The following KIF6 variants were observed in gnomAD, a reference collection of about 807,000 sequenced individuals.
KIF6 encodes kinesin family member 6, also known as kinesin-like protein KIF6.
In KIF6, 106 loss-of-function variants were observed where a neutral mutation model predicts 112.7. The observed-to-expected ratio is 0.94, with a 90% CI of 0.80 to 1.11. KIF6 has a LOEUF of 1.11. KIF6 is among the 50% of genes least tolerant of loss of function. The pLI, the probability that KIF6 is intolerant of heterozygous loss-of-function variation, is 0.00. For synonymous variants in KIF6, 339 were observed against 339.9 expected (o/e 1.00, Z 0.03); for missense variants, 929 against 964.0 (o/e 0.96, Z 0.48).
At chr6:39,656,444 G>A (rs1785787518) in intron 3 of KIF6, among the ~76,000 whole-genome samples, 1 of 152,094 alleles carries the variant, frequency 6.6e-6, no homozygotes, top group South Asian at 2.1e-4. Flanking sequence ...ATATAACTGG[G>A]CCTCCACTAT....
chr6:39,456,948 T>C (rs1027953495), intron 13 of KIF6, among the ~76,000 whole-genome samples: 3 of 150,712 alleles, frequency 2.0e-5, no homozygotes, highest in Non-Finnish European at 4.4e-5. Flanking sequence ...ACTGTCAACA[T>C]TAGACAGATC....
intron 13 of KIF6, among the ~76,000 whole-genome samples, chr6:39,491,321 A>T (rs1581969834): frequency 6.6e-6 from 1 of 152,148 alleles, no homozygotes. Flanking sequence ...CAGTGTGAAG[A>T]GAGATAACAG....
At chr6:39,361,731 G>A (rs1042040926) in intron 17 of KIF6, among the ~76,000 whole-genome samples, 1 of 151,490 alleles carries the variant, frequency 6.6e-6, no homozygotes, top group Admixed American at 6.6e-5. Flanking sequence ...TGCCAGGAGC[G>A]ACCTGAAGAC....
intron 13 of KIF6, among the ~76,000 whole-genome samples, chr6:39,531,339 CTATAAT>C (rs1467960113): frequency 2.0e-5 from 3 of 152,026 alleles, no homozygotes; most frequent in African/African-American, 7.3e-5. Flanking sequence ...AAACTCTTGA[CTATAAT>C]TATAAGGAAG....
chr6:39,510,094 CTTT>C (rs70984130), intron 13 of KIF6, among the ~76,000 whole-genome samples: 10 of 131,512 alleles, frequency 7.6e-5, no homozygotes, highest in Non-Finnish European at 1.1e-4. Context: ...CTTTTCTTTT[CTTT>C]TTTTTTTTTT....
intron 13 of KIF6, among the ~76,000 whole-genome samples, chr6:39,530,407 A>T (rs962840058): frequency 2.0e-5 from 3 of 152,200 alleles, no homozygotes; most frequent in Non-Finnish European, 2.9e-5. Context: ...AGAAATTTTT[A>T]AAAAACTCCA....
In KIF6 at chr6:39,604,126, G is replaced by A. The variant is rs146249430; in HGVS notation, c.640-7866C>T. On this transcript the variant is annotated intron_variant, in intron 6 of 22. Transcript: ENST00000287152. ...CACTTTCTACACTGATACTCTAATT[G>A]ATCTGTTCCTCTGCTCACTTGCTCT... 8.2e-3 allele frequency among the ~76,000 whole-genome samples: 1,243 copies of A among 151,840 alleles called. 13 individuals are homozygous for A. Among genetic ancestry groups the A allele is most frequent in the Non-Finnish European group, 0.011 (753 of 67,790 alleles).
At chr6:39,347,535 C>G (rs1181514153) in intron 19 of KIF6, among the ~76,000 whole-genome samples, 1 of 152,210 alleles carries the variant, frequency 6.6e-6, no homozygotes, top group Non-Finnish European at 1.5e-5. Context: ...GTTACAAGGT[C>G]CTTACTCTAA....
At chr6:39,618,372 C>A (rs140458317) in intron 5 of KIF6, among the ~76,000 whole-genome samples, 1 of 152,196 alleles carries the variant, frequency 6.6e-6, no homozygotes, top group African/African-American at 2.4e-5. Context: ...AATCCTAAGC[C>A]CCTCATCCAA....
chr6:39,415,177 ACT>A (rs1769815064), intron 15 of KIF6, among the ~76,000 whole-genome samples: 1 of 151,976 alleles, frequency 6.6e-6, no homozygotes, highest in Non-Finnish European at 1.5e-5. Flanking sequence ...ACAGAGTGAA[ACT>A]CTGTCTCAAA....
At chr6:39,510,726 C>G (rs1776728506) in intron 13 of KIF6, among the ~76,000 whole-genome samples, 1 of 151,884 alleles carries the variant, frequency 6.6e-6, no homozygotes, top group African/African-American at 2.4e-5. Context: ...GGGCTAAATG[C>G]CCCAATTAAC....
chr6:39,451,123 A>T (rs1160028553), intron 13 of KIF6, among the ~76,000 whole-genome samples: 1 of 152,186 alleles, frequency 6.6e-6, no homozygotes, highest in Non-Finnish European at 1.5e-5. Context: ...TAAATTAATT[A>T]ATTCAACAAG....
At chr6:39,633,480 C>A (rs1303128394) in intron 5 of KIF6, among the ~76,000 whole-genome samples, 1 of 152,196 alleles carries the variant, frequency 6.6e-6, no homozygotes, top group African/African-American at 2.4e-5. Flanking sequence ...TAATATTTAA[C>A]AATCTTTCAA....
intron 3 of KIF6, among the ~76,000 whole-genome samples, chr6:39,682,512 T>C (rs1582440252): frequency 6.6e-6 from 1 of 152,246 alleles, no homozygotes; most frequent in South Asian, 2.1e-4. Context: ...TAAACGTCCT[T>C]ATGCAGTGCA....
Position 39,343,391 on chromosome 6 carries a change from G to T in KIF6, c.2428+318C>A. 1 of 1,340,478 alleles carries T rather than the reference G, an allele frequency of 7.5e-7. No homozygotes were observed. The highest frequency in any genetic ancestry group is 9.8e-7 in the Non-Finnish European group (1 of 1,022,404). The allele number at this position is 1,340,478 out of a possible 1,614,324, so 83.0% of individuals were successfully genotyped here. A position where few individuals can be genotyped will look rare whatever the true frequency, so the allele number is the denominator to read the frequency against. On this transcript the variant is annotated intron_variant, in intron 22 of 22. Transcript: ENST00000287152. The surrounding 1 kb of genome is among the most constrained non-coding windows in gnomAD (Gnocchi z 4.1). ...CTTCCTGTTTGTAGAAGCCTGAGCA[G>T]AGGAGACAGCTGACTTTGGGAACAG...
chr6:39,346,090 C>CTCTCTCTCTCTCT (rs1562112945), intron 20 of KIF6, among the ~76,000 whole-genome samples: 1 of 36,808 alleles, frequency 2.7e-5, no homozygotes, highest in African/African-American at 1.9e-4. Flanking sequence ...CTCTCTCCCC[C>CTCTCTCTCTCTCT]CCCTCTCCCT....
At chr6:39,394,506 G>A (rs1238904660) in intron 15 of KIF6, among the ~76,000 whole-genome samples, 2 of 152,222 alleles carry the variant, frequency 1.3e-5, no homozygotes, top group East Asian at 3.8e-4. Context: ...TGGCAAAGAA[G>A]TGAAGGTGGA....
At chr6:39,361,310 G>T (rs1765118460) in intron 17 of KIF6, among the ~76,000 whole-genome samples, 1 of 152,074 alleles carries the variant, frequency 6.6e-6, no homozygotes, top group Non-Finnish European at 1.5e-5. Flanking sequence ...TGTAATCCCA[G>T]CACTTTGGGA....
intron 13 of KIF6, among the ~76,000 whole-genome samples, chr6:39,464,612 C>G (rs1045247244): frequency 1.3e-5 from 2 of 152,188 alleles, no homozygotes; most frequent in Non-Finnish European, 2.9e-5. Context: ...CCTCACCTAG[C>G]CAGGCCATCG....
Sources: gnomAD v4.1 joint callset for allele counts (sites outside exome capture counted in the v4.1 genomes callset) on GRCh38, gnomAD v4.1.1 for gene constraint, Gnocchi (gnomAD v3.1) non-coding constraint, MANE v1.5 for transcripts, NCBI Gene and HGNC (gene_info 2026-07-23, HGNC 2026-07-21) for gene names.